RNF220: variants seen among roughly 807,000 people sequenced by gnomAD.
The protein encoded by RNF220 is E3 ubiquitin-protein ligase RNF220.
In RNF220, 7 loss-of-function variants were observed where a neutral mutation model predicts 67.1. That is an observed-to-expected ratio of 0.10 (90% CI 0.06 to 0.20). The LOEUF (loss-of-function observed/expected upper bound fraction) is 0.20, where lower values mean the gene tolerates loss of function less well. RNF220 is among the 10% of genes least tolerant of loss of function. The pLI is 1.00. For synonymous variants in RNF220, 270 were observed against 283.2 expected, an observed-to-expected ratio of 0.95 and a Z score of 0.47; for missense variants, 565 against 740.3, an observed-to-expected ratio of 0.76 and a Z score of 2.75.
At chr1:44,441,234 G>A (rs1651521023) in intron 2 of RNF220, among the ~76,000 whole-genome samples, 1 of 152,178 alleles carries the variant, frequency 6.6e-6, no homozygotes, top group African/African-American at 2.4e-5. Flanking sequence ...AGCAGCCATA[G>A]GGACTGAGGC....
intron 2 of RNF220, among the ~76,000 whole-genome samples, chr1:44,603,059 G>A (rs1214285574): frequency 6.6e-6 from 1 of 152,112 alleles, no homozygotes; most frequent in Non-Finnish European, 1.5e-5. Context: ...TCTGTCACCA[G>A]CAATGAAAAA....
intron 1 of RNF220, among the ~76,000 whole-genome samples, chr1:44,406,542 TAAG>T (rs1483530025): frequency 2.0e-5 from 3 of 152,232 alleles, no homozygotes; most frequent in Non-Finnish European, 2.9e-5. Flanking sequence ...TCTTCTGACT[TAAG>T]AACAAAACTT....
At chr1:44,459,685 G>A (rs4660801) in intron 2 of RNF220, among the ~76,000 whole-genome samples, 37,007 of 152,004 alleles carry the variant, frequency 0.24, 4,766 homozygotes, top group Middle Eastern at 0.31. Flanking sequence ...TGAGAACTCT[G>A]GGAACACCAC....
At chr1:44,631,747 A>C in intron 5 of RNF220, 1 of 268,456 alleles carries the variant, frequency 3.7e-6, no homozygotes, top group Non-Finnish European at 5.7e-6. Flanking sequence ...GATGGGGCGG[A>C]AGGAGCCCCG....
chr1:44,521,311 T>C lies in RNF220; in HGVS notation c.626-92854T>C, dbSNP rs1659921970. 2.0e-5 allele frequency among the ~76,000 whole-genome samples: 3 copies of C among 152,240 alleles called. No homozygotes were observed. In the South Asian group the frequency reaches 6.2e-4, roughly 31 times the overall value. Reference sequence around the variant, plus strand: ...CATCTCCGGACTATCAAGCAAATGCTAGGTACTGTGCTTGACAGGGGACAT... The same window carrying C: ...CATCTCCGGACTATCAAGCAAATGCCAGGTACTGTGCTTGACAGGGGACAT... On this transcript the variant is annotated intron_variant, in intron 2 of 14. Coordinates refer to ENST00000361799, the MANE Select transcript of RNF220 (RefSeq NM_018150.4).
chr1:44,432,940 A>G lies in RNF220; in HGVS notation c.625+20218A>G, dbSNP rs181307833. Among the ~76,000 whole-genome samples, 382 of 141,256 alleles carry G rather than the reference A, an allele frequency of 2.7e-3. 4 individuals carry two copies. Among genetic ancestry groups the G allele is most frequent in the African/African-American group, 9.8e-3 (371 of 37,902 alleles). The allele number at this position is 141,256 out of a possible 152,430, so 92.7% of individuals were successfully genotyped here. Reference sequence around the variant, plus strand: ...AGTCTTGCTCTGTTGCTCAGTTTCAATTTTGAGTCTCTCTCTGTTGCCCAG... The same window carrying G: ...AGTCTTGCTCTGTTGCTCAGTTTCAGTTTTGAGTCTCTCTCTGTTGCCCAG... On this transcript the variant is annotated intron_variant, in intron 2 of 14. Transcript: ENST00000361799.
intron 2 of RNF220, among the ~76,000 whole-genome samples, chr1:44,473,058 C>G (rs1450730298): frequency 1.3e-5 from 2 of 152,148 alleles, no homozygotes; most frequent in Admixed American, 6.6e-5. Flanking sequence ...TTCCCCACGT[C>G]CTCTGCTTTC....
intron 2 of RNF220, among the ~76,000 whole-genome samples, chr1:44,567,834 G>T (rs986881611): frequency 2.0e-5 from 3 of 152,128 alleles, no homozygotes; most frequent in African/African-American, 7.2e-5. Context: ...CAGGCGCCAT[G>T]TGAACCCAGA....
Position 44,558,480 on chromosome 1 carries a change from A to G in RNF220, c.626-55685A>G, listed in dbSNP as rs116792708. 7.6e-3 allele frequency among the ~76,000 whole-genome samples: 1,165 copies of G among 152,370 alleles called. 7 individuals carry two copies. Among genetic ancestry groups the G allele is most frequent in the Non-Finnish European group, 0.012 (840 of 68,038 alleles). ...CTCCTAGTAGGCTTGGGGAAGAAAT[A>G]GACACATATGATAGTACCATTAGTG... is the stretch of plus-strand genomic sequence containing the variant. On this transcript the variant is annotated intron_variant, in intron 2 of 14. Coordinates refer to ENST00000361799, the MANE Select transcript of RNF220 (RefSeq NM_018150.4).
At chr1:44,638,579 C>G (rs905431772) in intron 8 of RNF220, among the ~76,000 whole-genome samples, 38 of 152,366 alleles carry the variant, frequency 2.5e-4, no homozygotes, top group African/African-American at 8.4e-4. Flanking sequence ...CTCAGCAAAG[C>G]TTCCCACCAG....
chr1:44,488,727 CTTTTTTTTTT>C (rs55968850), intron 2 of RNF220, among the ~76,000 whole-genome samples: 1 of 102,566 alleles, frequency 9.7e-6, no homozygotes, highest in African/African-American at 3.6e-5. Context: ...TTTCTTTTTT[CTTTTTTTTTT>C]TTTTTTTTTT....
intron 2 of RNF220, among the ~76,000 whole-genome samples, chr1:44,588,931 C>T (rs957688489): frequency 1.3e-5 from 2 of 152,250 alleles, no homozygotes; most frequent in African/African-American, 2.4e-5. Context: ...TCCACCAACC[C>T]TCACCCTGCC....
chr1:44,560,565 G>A (rs1038759380), intron 2 of RNF220, among the ~76,000 whole-genome samples: 2 of 151,998 alleles, frequency 1.3e-5, no homozygotes, highest in African/African-American at 4.8e-5. Flanking sequence ...GTTGGGGTTT[G>A]TTTGTTTTTG....
rs1644256021 is a variant in RNF220, at chr1:44,634,172, C to G, written c.950-1373C>G. On this transcript the variant is annotated intron_variant, in intron 6 of 14. Coordinates refer to ENST00000361799, the MANE Select transcript of RNF220 (RefSeq NM_018150.4). ...AGGCAGGAGCTGGAGCCCTAGCACA[C>G]TCACTGGGACCAGTCTTTGTTGATG... 2.0e-5 allele frequency among the ~76,000 whole-genome samples: 3 copies of G among 152,344 alleles called. No homozygotes were observed. In the South Asian group the frequency reaches 6.2e-4, roughly 32 times the overall value.
chr1:44,476,010 GAAAGAAAAAGAAA>G (rs1185333820), intron 2 of RNF220, among the ~76,000 whole-genome samples: 2 of 150,526 alleles, frequency 1.3e-5, no homozygotes, highest in African/African-American at 4.9e-5. Flanking sequence ...AAAAAAAAAA[GAAAGAAAAAGAAA>G]AAAGAAAATC....
At chr1:44,554,991 G>T (rs925373116) in intron 2 of RNF220, among the ~76,000 whole-genome samples, 1 of 152,092 alleles carries the variant, frequency 6.6e-6, no homozygotes, top group Non-Finnish European at 1.5e-5. Flanking sequence ...TGTAAATCCA[G>T]TCATGTCTTA....
In RNF220 at chr1:44,509,301, A is replaced by G. The variant is rs1159986853; in HGVS notation, c.625+96579A>G. Among the ~76,000 whole-genome samples, 3 of 152,234 alleles carry G rather than the reference A, an allele frequency of 2.0e-5. No individual in the cohort carries two copies. The East Asian group carries it at 5.8e-4, about 29-fold the overall frequency. ...TGTGGTGGCTCACGCCTGTAATCCCAGCACTTTGGGAGGCCCAGGAGGGCA... is the reference window on the plus strand; with the variant it reads ...TGTGGTGGCTCACGCCTGTAATCCCGGCACTTTGGGAGGCCCAGGAGGGCA... On this transcript the variant is annotated intron_variant, in intron 2 of 14. Transcript: ENST00000361799.
rs183954195 is a variant in RNF220, at chr1:44,537,578, T to A, written c.626-76587T>A. On this transcript the variant is annotated intron_variant, in intron 2 of 14. Coordinates refer to ENST00000361799, the MANE Select transcript of RNF220 (RefSeq NM_018150.4). ...GCCTTTCGTTACCCTAGGAGTAAAG[T>A]TCTGTCCTTTGAATCTCTTCAGAGG... Among the ~76,000 whole-genome samples, 373 of 152,304 alleles carry A rather than the reference T, an allele frequency of 2.4e-3. 4 individuals are homozygous for A. Among genetic ancestry groups the A allele is most frequent in the Non-Finnish European group, 3.6e-3 (242 of 68,016 alleles).
chr1:44,494,991 T>C (rs1657200986), intron 2 of RNF220, among the ~76,000 whole-genome samples: 1 of 152,052 alleles, frequency 6.6e-6, no homozygotes, highest in Non-Finnish European at 1.5e-5. Context: ...GGCAGGAGGA[T>C]TGCTTGAGCC....
Sources: gnomAD v4.1 joint callset for allele counts (sites outside exome capture counted in the v4.1 genomes callset) on GRCh38, gnomAD v4.1.1 for gene constraint, MANE v1.5 for transcripts, NCBI Gene and HGNC (gene_info 2026-07-23, HGNC 2026-07-21) for gene names.